PCA3: variants seen among roughly 807,000 people sequenced by gnomAD.
PCA3 encodes the protein Differential Display code 3.
intron 2 of PCA3, among the ~76,000 whole-genome samples, chr9:76,767,296 A>G (rs555206112): frequency 2.0e-5 from 3 of 152,240 alleles, no homozygotes; most frequent in East Asian, 3.9e-4. Flanking sequence ...TACTAAAAAT[A>G]CAAAATTATC....
chr9:76,770,068 C>T (rs1289554422), intron 2 of PCA3, among the ~76,000 whole-genome samples: 3 of 152,070 alleles, frequency 2.0e-5, no homozygotes, highest in African/African-American at 2.4e-5. Context: ...AATATCAGGA[C>T]CTTGCCAATT....
chr9:76,773,912 C>T (rs866581938), intron 2 of PCA3, among the ~76,000 whole-genome samples: 60 of 151,956 alleles, frequency 3.9e-4, no homozygotes, highest in Non-Finnish European at 6.6e-4. Context: ...TGGAATAAAG[C>T]AGGTAGAGAA....
At chr9:76,774,448 C>T (rs1006547483) in intron 2 of PCA3, among the ~76,000 whole-genome samples, 2 of 57,606 alleles carry the variant, frequency 3.5e-5, no homozygotes, top group Admixed American at 2.9e-4. Flanking sequence ...TCCAGTTCAA[C>T]CCTTTTTTTT....
chr9:76,785,001 T>G lies in PCA3; in HGVS notation n.853-23582T>G, dbSNP rs966206820. ...TTTTGTTTTCCAGTGCAAAGATGAC[T>G]AAGTCCTTTATCCCTCCCCTTTGTT... On this transcript the variant is annotated intron_variant and non_coding_transcript_variant, in intron 2 of 5. Coordinates refer to ENST00000644657, the Ensembl canonical transcript of PCA3. 16 of 152,336 alleles carry G rather than the reference T, an allele frequency of 1.1e-4. 1 individual carries two copies. The highest frequency in any genetic ancestry group is 3.8e-4 in the African/African-American group (16 of 41,570). The allele number at this position is 152,336 out of a possible 1,614,324, so 9.4% of individuals were successfully genotyped here. A position where few individuals can be genotyped will look rare whatever the true frequency, so the allele number is the denominator to read the frequency against.
chr9:76,775,471 G>GT (rs1348952886), intron 2 of PCA3, among the ~76,000 whole-genome samples: 6 of 134,656 alleles, frequency 4.5e-5, no homozygotes, highest in East Asian at 2.6e-4. Context: ...TAATTTTTGT[G>GT]GTTTTTTTTT....
intron 2 of PCA3, among the ~76,000 whole-genome samples, chr9:76,772,557 G>A (rs912741355): frequency 6.6e-6 from 1 of 152,080 alleles, no homozygotes; most frequent in Admixed American, 6.6e-5. Context: ...TGTGAACATG[G>A]TAAATTATTT....
chr9:76,776,824 T>G (rs1028780780), intron 2 of PCA3, among the ~76,000 whole-genome samples: 26 of 151,622 alleles, frequency 1.7e-4, no homozygotes, highest in South Asian at 4.2e-4. Context: ...CCAGCAGTTT[T>G]TTTTTTTTTT....
chr9:76,767,047 T>C (rs1012476047), intron 2 of PCA3, among the ~76,000 whole-genome samples: 1 of 152,256 alleles, frequency 6.6e-6, no homozygotes, highest in Non-Finnish European at 1.5e-5. Flanking sequence ...CACTGCTGTA[T>C]TCTGGTATAG....
intron 2 of PCA3, among the ~76,000 whole-genome samples, chr9:76,776,220 T>C (rs1025019895): frequency 6.6e-6 from 1 of 152,240 alleles, no homozygotes; most frequent in Admixed American, 6.5e-5. Context: ...TCTGAGCTTT[T>C]AGTGTAGCCA....
chr9:76,787,016 C>A (rs998623816), intron 2 of PCA3: 5 of 152,176 alleles, frequency 3.3e-5, no homozygotes, highest in Admixed American at 6.5e-5. Context: ...ATGCTCCCTG[C>A]CTTCAGTGTC....
intron 2 of PCA3, among the ~76,000 whole-genome samples, chr9:76,769,616 G>A (rs1192494834): frequency 1.3e-5 from 2 of 152,242 alleles, no homozygotes; most frequent in East Asian, 1.9e-4. Flanking sequence ...GTAGAGATGG[G>A]GTTTCTCCAT....
chr9:76,779,332 G>T (rs1339278831), intron 2 of PCA3, among the ~76,000 whole-genome samples: 2 of 151,960 alleles, frequency 1.3e-5, no homozygotes, highest in African/African-American at 4.8e-5. Context: ...TGAGATTAAG[G>T]CTCTTTGTGG....
At chr9:76,773,756 T>C (rs1161861591) in intron 2 of PCA3, among the ~76,000 whole-genome samples, 2 of 152,198 alleles carry the variant, frequency 1.3e-5, no homozygotes, top group Admixed American at 1.3e-4. Flanking sequence ...GTACATCTTA[T>C]GTAGGTGCAG....
chr9:76,782,979 C>T (rs2054583283), intron 2 of PCA3: 1 of 152,254 alleles, frequency 6.6e-6, no homozygotes, highest in African/African-American at 2.4e-5. Context: ...TTTAAGATCT[C>T]TTCTAGCCTC....
chr9:76,784,425 G>C (rs151068932), intron 2 of PCA3: 3 of 152,136 alleles, frequency 2.0e-5, no homozygotes, highest in South Asian at 2.1e-4. Context: ...AGATAACCAC[G>C]GGGCAGAGGG....
intron 2 of PCA3, among the ~76,000 whole-genome samples, chr9:76,777,492 G>A (rs1474344300): frequency 1.3e-5 from 2 of 152,148 alleles, no homozygotes; most frequent in Non-Finnish European, 2.9e-5. Context: ...CTGAAGAAAT[G>A]AATTTCAGGG....
intron 2 of PCA3, among the ~76,000 whole-genome samples, chr9:76,774,465 T>TATTTA (rs761395945): frequency 1.7e-4 from 23 of 136,934 alleles, no homozygotes; most frequent in African/African-American, 5.0e-4. Flanking sequence ...TTTTTTTTTT[T>TATTTA]TTTTTTTTTT....
Position 76,775,980 on chromosome 9 carries a change from G to C in PCA3, n.853-32603G>C, listed in dbSNP as rs973759629. 8.5e-5 allele frequency among the ~76,000 whole-genome samples: 13 copies of C among 152,166 alleles called. No homozygotes were observed. The South Asian group carries it at 2.7e-3, about 32-fold the overall frequency. ...CTTCCAAAAAATTCCAGCATTTTCT[G>C]GTGTGAGATTTGGGAGGGATAGGAA... On this transcript the variant is annotated intron_variant and non_coding_transcript_variant, in intron 2 of 5. Transcript: ENST00000644657.
intron 2 of PCA3, chr9:76,778,774 A>G (rs2054066728): frequency 6.6e-6 from 1 of 152,262 alleles, no homozygotes; most frequent in African/African-American, 2.4e-5. Context: ...TGCCCAGATT[A>G]GTACATTTGG....
Sources: allele counts gnomAD v4.1 joint callset (sites outside exome capture counted in the v4.1 genomes callset), GRCh38; gene constraint gnomAD v4.1.1; transcripts MANE v1.5; gene names NCBI Gene and HGNC (gene_info 2026-07-23, HGNC 2026-07-21).